The following CDH18 variants were observed in gnomAD, a reference collection of about 807,000 sequenced individuals.
The protein encoded by CDH18 is cadherin-18.
A neutral mutation model predicts 67.9 loss-of-function variants in CDH18; 31 were observed. The observed-to-expected ratio is 0.46, with a 90% CI of 0.34 to 0.62. The LOEUF (loss-of-function observed/expected upper bound fraction) is 0.62. CDH18 is among the 20% of genes least tolerant of loss of function. The pLI is 0.01. For synonymous variants in CDH18, 362 were observed against 347.2 expected (o/e 1.04, Z -0.48); for missense variants, 890 against 975.5 (o/e 0.91, Z 1.17).
At chr5:20,065,026 A>C (rs2150514984) in intron 2 of CDH18, among the ~76,000 whole-genome samples, 1 of 152,192 alleles carries the variant, frequency 6.6e-6, no homozygotes, top group East Asian at 1.9e-4. Context: ...TTAAAATAAC[A>C]GTTTATTGTC....
At chr5:20,154,126 T>C (rs756359665) in intron 2 of CDH18, among the ~76,000 whole-genome samples, 2 of 152,162 alleles carry the variant, frequency 1.3e-5, no homozygotes, top group Non-Finnish European at 2.9e-5. Context: ...ACTCTTAACC[T>C]TGGAGAGAGT....
rs367581840 is a variant in CDH18, at chr5:19,901,471, C to T, written c.-256-62229G>A. 3.0e-4 allele frequency among the ~76,000 whole-genome samples: 46 copies of T among 152,148 alleles called. No homozygotes were observed. In the South Asian group the frequency reaches 9.1e-3, roughly 30 times the overall value. On this transcript the variant is annotated intron_variant, in intron 2 of 12. Coordinates refer to ENST00000382275, the MANE Select transcript of CDH18 (RefSeq NM_004934.5). ...TTCCTTACATTAATTACATTGGAAG[C>T]AAAATTAGCTTTTGAGAATGTCTTA...
At chr5:19,706,975 C>T (rs1432967907) in intron 5 of CDH18, among the ~76,000 whole-genome samples, 1 of 152,162 alleles carries the variant, frequency 6.6e-6, no homozygotes, top group Non-Finnish European at 1.5e-5. Flanking sequence ...GCTGTAAAGA[C>T]AGAAGCAGAG....
chr5:19,542,676 T>C (rs1750462276), intron 9 of CDH18, among the ~76,000 whole-genome samples: 1 of 152,156 alleles, frequency 6.6e-6, no homozygotes, highest in Admixed American at 6.5e-5. Flanking sequence ...CTACCTATTA[T>C]ATGATTATTT....
At chr5:19,978,046 A>G (rs1396581556) in intron 2 of CDH18, among the ~76,000 whole-genome samples, 2 of 152,060 alleles carry the variant, frequency 1.3e-5, no homozygotes, top group African/African-American at 4.8e-5. Context: ...AGAGAGGGTA[A>G]TATGTTTCTT....
intron 1 of CDH18, among the ~76,000 whole-genome samples, chr5:20,532,167 C>T (rs552658760): frequency 6.6e-6 from 1 of 152,042 alleles, no homozygotes; most frequent in South Asian, 2.1e-4. Flanking sequence ...TTAAAGAAGA[C>T]AACTAAACAC....
At chr5:20,243,526 A>G (rs1004303706) in intron 2 of CDH18, among the ~76,000 whole-genome samples, 1 of 152,132 alleles carries the variant, frequency 6.6e-6, no homozygotes, top group Non-Finnish European at 1.5e-5. Context: ...GTATGACACC[A>G]TTATTACATT....
At chr5:19,588,560 A>G (rs1408533520) in intron 7 of CDH18, among the ~76,000 whole-genome samples, 1 of 152,010 alleles carries the variant, frequency 6.6e-6, no homozygotes, top group Admixed American at 6.6e-5. Flanking sequence ...CAATACTAAC[A>G]TTAAATGTAA....
intron 11 of CDH18, among the ~76,000 whole-genome samples, chr5:19,501,249 TTTTAA>T (rs1470950747): frequency 2.1e-5 from 3 of 145,422 alleles, no homozygotes; most frequent in Non-Finnish European, 3.0e-5. Flanking sequence ...ATATATATAA[TTTTAA>T]TTTAATTCAC....
intron 5 of CDH18, among the ~76,000 whole-genome samples, chr5:19,700,194 G>C (rs1429207482): frequency 6.6e-6 from 1 of 151,970 alleles, no homozygotes; most frequent in Non-Finnish European, 1.5e-5. Flanking sequence ...TACAAACCAG[G>C]GTTCCTAACC....
intron 2 of CDH18, among the ~76,000 whole-genome samples, chr5:20,130,583 T>A (rs1749189531): frequency 6.6e-6 from 1 of 151,944 alleles, no homozygotes; most frequent in South Asian, 2.1e-4. Context: ...ACCCATAAAA[T>A]TAGCCATCAC....
intron 2 of CDH18, among the ~76,000 whole-genome samples, chr5:20,043,485 T>G (rs1245867269): frequency 6.6e-6 from 1 of 152,182 alleles, no homozygotes; most frequent in East Asian, 1.9e-4. Flanking sequence ...GAAGGGGGCT[T>G]GATTTCCATC....
intron 1 of CDH18, among the ~76,000 whole-genome samples, chr5:20,469,917 C>G (rs565524282): frequency 6.6e-6 from 1 of 152,116 alleles, no homozygotes; most frequent in East Asian, 1.9e-4. Context: ...CACATTTTGG[C>G]CTCTCAGTTT....
intron 1 of CDH18, chr5:20,304,475 G>A (rs1204605796): frequency 7.9e-5 from 123 of 1,563,578 alleles, no homozygotes; most frequent in Non-Finnish European, 1.0e-4. Context: ...GTCACCTTCC[G>A]CTTGGCCCTC....
At chr5:19,485,254 T>C (rs1339243880) in intron 11 of CDH18, among the ~76,000 whole-genome samples, 1 of 150,220 alleles carries the variant, frequency 6.7e-6, no homozygotes, top group Non-Finnish European at 1.5e-5. Flanking sequence ...ATCAGCTGTC[T>C]ATTCTTTTTT....
intron 2 of CDH18, among the ~76,000 whole-genome samples, chr5:20,047,165 C>T (rs938240791): frequency 3.3e-5 from 5 of 151,480 alleles, no homozygotes; most frequent in African/African-American, 1.2e-4. Context: ...GCAGGAGAGA[C>T]GAGGCAGGGG....
intron 1 of CDH18, among the ~76,000 whole-genome samples, chr5:20,447,557 C>A (rs1186314453): frequency 1.3e-5 from 2 of 152,184 alleles, no homozygotes; most frequent in Non-Finnish European, 2.9e-5. Flanking sequence ...GCTCTCAGAA[C>A]TGTCAGAAAT....
chr5:20,521,859 T>C (rs4866193), intron 1 of CDH18, among the ~76,000 whole-genome samples: 28,494 of 152,034 alleles, frequency 0.19, 3,059 homozygotes, highest in East Asian at 0.39. Flanking sequence ...AAAATGTTTT[T>C]TGACAGTGAA....
chr5:20,219,342 CT>C (rs1293894655), intron 2 of CDH18, among the ~76,000 whole-genome samples: 2 of 151,688 alleles, frequency 1.3e-5, no homozygotes, highest in Non-Finnish European at 2.9e-5. Context: ...TGAAAATCTC[CT>C]AGCAAAAATA....
Sources: gnomAD v4.1 joint callset for allele counts (sites outside exome capture counted in the v4.1 genomes callset) on GRCh38, gnomAD v4.1.1 for gene constraint, MANE v1.5 for transcripts, NCBI Gene and HGNC (gene_info 2026-07-23, HGNC 2026-07-21) for gene names.